Variants in EVC observed in about 807,000 individuals in gnomAD.
EVC encodes the protein EvC ciliary complex subunit 1, also known as evC complex member EVC.
Under a neutral mutation model 118.9 loss-of-function variants are expected in EVC, and 116 were observed. The observed-to-expected ratio is 0.98, with a 90% CI of 0.84 to 1.14. The LOEUF (loss-of-function observed/expected upper bound fraction) is 1.14. Among genes scored for constraint, EVC ranks in the 50% most tolerant of loss-of-function variants. The pLI, the probability that EVC is intolerant of heterozygous loss-of-function variation, is 0.00. For missense variants in EVC, 1,401 were observed against 1,246.4 expected (o/e 1.12, Z -1.87); for synonymous variants, 619 against 534.7 (o/e 1.16, Z -2.18).
intron 2 of EVC, among the ~76,000 whole-genome samples, chr4:5,721,822 G>C (rs1725006068): frequency 6.6e-6 from 1 of 152,154 alleles, no homozygotes; most frequent in South Asian, 2.1e-4. Context: ...AGCTGAGATT[G>C]TGCCACTGCA....
intron 5 of EVC, among the ~76,000 whole-genome samples, chr4:5,733,858 G>T (rs1727246352): frequency 6.6e-6 from 1 of 152,190 alleles, no homozygotes; most frequent in Non-Finnish European, 1.5e-5. Context: ...ACAACCCAGA[G>T]GGGCGGGTGT....
intron 19 of EVC, among the ~76,000 whole-genome samples, 165 bp downstream of exon 19, chr4:5,809,776 C>T (rs1193871949): frequency 6.6e-6 from 1 of 152,122 alleles, no homozygotes; most frequent in Admixed American, 6.5e-5. Flanking sequence ...GGCTAGGCCA[C>T]CCCTCAGGCC....
chr4:5,726,703 C>T (rs947329491), intron 2 of EVC, among the ~76,000 whole-genome samples: 7 of 146,660 alleles, frequency 4.8e-5, no homozygotes, highest in South Asian at 2.3e-4. Context: ...GTACATCTCC[C>T]GATGCTATCC....
chr4:5,826,132 G>A, the EVC span: 29 of 172,898 alleles, frequency 1.7e-4, no homozygotes, highest in Admixed American at 1.8e-3. Flanking sequence ...TTACACACAC[G>A]CATACTCATA....
Position 5,731,317 on chromosome 4 carries a change from C to A in EVC, c.385-108C>A. ...GGCACCCTGGCCAGTCTCCTCCAGG[C>A]AGACCTTCCTGTGAGCGGCTAGCGT... On this transcript the variant is annotated intron_variant, in intron 3 of 20. Transcript: ENST00000264956. The surrounding 1 kb of genome is among the most constrained non-coding windows in gnomAD (Gnocchi z 5.6). The A allele has an allele frequency of 2.0e-6, 2 of 993,628 alleles. No homozygotes were observed. Among genetic ancestry groups the A allele is most frequent in the Non-Finnish European group, 3.2e-6 (2 of 616,294 alleles). The allele number at this position is 993,628 out of a possible 1,614,324, so 61.6% of individuals were successfully genotyped here.
rs1714303259 is a variant in EVC at position 5,798,046 on chromosome 4, A to C, written c.2098-540A>C. Among the ~76,000 whole-genome samples, 2 of 152,260 alleles carry C rather than the reference A, an allele frequency of 1.3e-5. No individual in the cohort carries two copies. The highest frequency in any genetic ancestry group is 2.1e-4 in the South Asian group (1 of 4,828). ...ATGAGGCACAAGCCCACAGTCTCTT[A>C]AGCTCTATCCAGGAGAGCTCCGAGG... On this transcript the variant is annotated intron_variant, in intron 14 of 20. Transcript: ENST00000264956. This position sits in a 1 kb window ranked among gnomAD's most constrained non-coding sequence, Gnocchi z 4.1.
At chr4:5,740,236 T>C (rs142213007) in intron 5 of EVC, among the ~76,000 whole-genome samples, 1,697 of 152,128 alleles carry the variant, frequency 0.011, 24 homozygotes, top group African/African-American at 0.037. Context: ...TTTGGGAGGC[T>C]GAGGTGGGTG....
chr4:5,778,915 C>T (rs2152268417), intron 11 of EVC, among the ~76,000 whole-genome samples: 1 of 152,168 alleles, frequency 6.6e-6, no homozygotes, highest in African/African-American at 2.4e-5. Context: ...AGTCCTTGCA[C>T]ATGCCTATGT....
chr4:5,808,635 C>A (rs556248532), intron 18 of EVC, among the ~76,000 whole-genome samples: 1 of 152,222 alleles, frequency 6.6e-6, no homozygotes, highest in Non-Finnish European at 1.5e-5. Context: ...CCCCTGTGTG[C>A]GCATGGCCAC....
Position 5,748,290 on chromosome 4 carries a change from A to G in EVC, c.1082A>G (p.Gln361Arg), listed in dbSNP as rs886043999. 12 of 1,613,848 alleles carry G rather than the reference A, an allele frequency of 7.4e-6. No individual in the cohort carries two copies. Among genetic ancestry groups the G allele is most frequent in the Non-Finnish European group, 1.0e-5 (12 of 1,179,754 alleles). The change falls in exon 8 of 21, where the codon CAG (glutamine) becomes CGG (arginine). Residue 361 changes from glutamine to arginine, a missense_variant. Gln to Arg is a conservative substitution (Grantham distance 43). Transcript: ENST00000264956. ...IAAEGLLCDS[Q>R]ELQALDALER... ...GCCGAAGGGCTATTGTGCGATTCTCAGGAGCTGCAGGCTCTGGTAATGCTG... is the reference window on the plus strand; with the variant it reads ...GCCGAAGGGCTATTGTGCGATTCTCGGGAGCTGCAGGCTCTGGTAATGCTG...
intron 2 of EVC, among the ~76,000 whole-genome samples, chr4:5,727,689 G>A (rs1471793717): frequency 6.6e-6 from 1 of 151,754 alleles, no homozygotes; most frequent in African/African-American, 2.4e-5. Flanking sequence ...TTTCTTCTAG[G>A]GTTTTTATGG....
chr4:5,733,703 C>T (rs750571823), intron 5 of EVC, among the ~76,000 whole-genome samples: 1 of 152,104 alleles, frequency 6.6e-6, no homozygotes, highest in Admixed American at 6.5e-5. Flanking sequence ...GGCTACACCT[C>T]CTGCTGGAGA....
At position 5,711,471 on chromosome 4, in the gene EVC, G is replaced by GCC; in HGVS notation, c.92_93dup (p.Val32ProfsTer85). On this transcript the variant is annotated frameshift_variant, in exon 1 of 21. Coordinates refer to ENST00000264956, the MANE Select transcript of EVC (RefSeq NM_153717.3). LOFTEE classifies it high-confidence loss of function. The stretch of plus-strand genomic sequence containing the variant: ...GCCGGCGCCCGCCCTGCTGGCCCCC[G>GCC]CCGTGCTGCTGGGCGCCGCGCTCGG... 1 of 1,070,990 alleles carries GCC rather than the reference G, an allele frequency of 9.3e-7. No homozygotes were observed. Among genetic ancestry groups the GCC allele is most frequent in the Non-Finnish European group, 1.1e-6 (1 of 887,914 alleles). 66.3% of individuals were successfully genotyped at this position (1,070,990 alleles called of 1,614,324 possible).
Position 5,798,823 on chromosome 4 carries a change from C to A in EVC, c.2304+31C>A, listed in dbSNP as rs571126131. ...CACTGACCTCTGTCCCTGGGGACAC[C>A]GAGGGCAAGAATGTTCAGGGTAGGG... is the stretch of plus-strand genomic sequence containing the variant. On this transcript the variant is annotated intron_variant, in intron 15 of 20. Coordinates refer to ENST00000264956, the MANE Select transcript of EVC (RefSeq NM_153717.3). This position sits in a 1 kb window ranked among gnomAD's most constrained non-coding sequence, Gnocchi z 4.1. The A allele has an allele frequency of 6.3e-7, 1 of 1,595,936 alleles. No homozygotes were observed. The highest frequency in any genetic ancestry group is 1.3e-5 in the African/African-American group (1 of 74,598).
At position 5,749,395 on chromosome 4, in the gene EVC, C is replaced by T. The variant is rs1422681622; in HGVS notation, c.1098+1089C>T. Among the ~76,000 whole-genome samples, 1 of 150,144 alleles carries T rather than the reference C, an allele frequency of 6.7e-6. No individual in the cohort carries two copies. The highest frequency in any genetic ancestry group is 2.5e-5 in the African/African-American group (1 of 40,606). On this transcript the variant is annotated intron_variant, in intron 8 of 20. Transcript: ENST00000264956. The surrounding 1 kb of genome is among the most constrained non-coding windows in gnomAD (Gnocchi z 4.4). ...TTATTTTTGTGAAGCCTGCCAACCA[C>T]AGATAAGCAAAAAAGTCCTCACATT...
intron 1 of EVC, among the ~76,000 whole-genome samples, chr4:5,714,386 C>G (rs777441902): frequency 1.3e-5 from 2 of 152,118 alleles, no homozygotes; most frequent in African/African-American, 4.8e-5. Context: ...GAGCAATAGC[C>G]CCACCCATTT....
At position 5,755,547 on chromosome 4, in the gene EVC, C is replaced by T. The variant is rs189607944; in HGVS notation, c.1465-717C>T. ...TCATCTCACCTCCTGCCCGTAGCAT[C>T]ACCAAAGATCTTAGGGGGTTTACCT... On this transcript the variant is annotated intron_variant, in intron 10 of 20. Transcript: ENST00000264956. This position sits in a 1 kb window ranked among gnomAD's most constrained non-coding sequence, Gnocchi z 4.1. Among the ~76,000 whole-genome samples, 25 of 152,286 alleles carry T rather than the reference C, an allele frequency of 1.6e-4. No individual in the cohort carries two copies. Among genetic ancestry groups the T allele is most frequent in the African/African-American group, 5.5e-4 (23 of 41,554 alleles).
Position 5,802,008 on chromosome 4 carries a change from G to A in EVC, c.2363G>A (p.Arg788His), listed in dbSNP as rs73795088. Reference protein sequence around the residue: ...SVYVTSAGVSRLVQAYYQQIG... With the variant: ...SVYVTSAGVSHLVQAYYQQIG... ...TACGTGACCAGCGCTGGTGTCAGCCGCCTGGTGCAGGCGTATTACCAGCAA... is the reference window on the plus strand; with the variant it reads ...TACGTGACCAGCGCTGGTGTCAGCCACCTGGTGCAGGCGTATTACCAGCAA... The change falls in exon 16 of 21, where the codon CGC becomes CAC. Residue 788 changes from arginine to histidine, a missense_variant. By Grantham distance (29) the Arg-to-His change is conservative (BLOSUM62 0). Coordinates refer to ENST00000264956, the MANE Select transcript of EVC (RefSeq NM_153717.3). 3,357 of 1,614,174 alleles carry A rather than the reference G, an allele frequency of 2.1e-3. 51 individuals carry two copies. In the African/African-American group the frequency reaches 0.038, roughly 18 times the overall value.
chr4:5,796,580 G>T (rs1714005226), intron 13 of EVC, among the ~76,000 whole-genome samples: 1 of 152,000 alleles, frequency 6.6e-6, no homozygotes, highest in Non-Finnish European at 1.5e-5. Context: ...CTTGGCAGCT[G>T]ACTGTCAGAC....
Sources: gnomAD v4.1 joint callset for allele counts (sites outside exome capture counted in the v4.1 genomes callset) on GRCh38, gnomAD v4.1.1 for gene constraint, Gnocchi (gnomAD v3.1) non-coding constraint, MANE v1.5 for transcripts, NCBI Gene and HGNC (gene_info 2026-07-23, HGNC 2026-07-21) for gene names.